The following FAM185A variants were observed in gnomAD, a reference collection of about 807,000 sequenced individuals.
FAM185A encodes protein FAM185A.
Under a neutral mutation model 45.7 loss-of-function variants are expected in FAM185A, and 21 were observed. The observed-to-expected ratio is 0.46, with a 90% CI of 0.33 to 0.66. The LOEUF is 0.66. Ranked by LOEUF, FAM185A falls within the 30% of genes least tolerant of loss-of-function variation. FAM185A has a pLI of 0.03. For missense variants in FAM185A, 305 were observed against 485.4 expected (o/e 0.63, Z 3.49); for synonymous variants, 117 against 194.0 (o/e 0.60, Z 3.30).
At chr7:102,819,785 G>A in the FAM185A span, among the ~76,000 whole-genome samples, 3 of 152,178 alleles carry the variant, frequency 2.0e-5, no homozygotes, top group African/African-American at 7.2e-5. Context: ...GCCCTGATTA[G>A]ATAGTGAGCA....
chr7:102,759,427 G>C (rs889683815), intron 3 of FAM185A, among the ~76,000 whole-genome samples: 1 of 151,284 alleles, frequency 6.6e-6, no homozygotes, highest in Non-Finnish European at 1.5e-5. Context: ...ATCAGTCTAG[G>C]GTTTTTTTCC....
At chr7:102,764,748 C>T (rs1366553417) in intron 4 of FAM185A, among the ~76,000 whole-genome samples, 14 of 150,228 alleles carry the variant, frequency 9.3e-5, no homozygotes, top group African/African-American at 2.2e-4. Context: ...AGAATATATG[C>T]GTTCTTGGTC....
intron 5 of FAM185A, among the ~76,000 whole-genome samples, chr7:102,776,701 C>CAA (rs1163390306): frequency 1.1e-5 from 1 of 92,792 alleles, no homozygotes; most frequent in South Asian, 4.2e-4. Flanking sequence ...GACCCTGTCT[C>CAA]TAAAAAAAAA....
chr7:102,751,120 G>T (rs896338810), intron 1 of FAM185A, among the ~76,000 whole-genome samples: 2 of 152,102 alleles, frequency 1.3e-5, no homozygotes, highest in African/African-American at 2.4e-5. Flanking sequence ...TTGCTACATT[G>T]TCCAGGCTGG....
At chr7:102,818,498 A>G in the FAM185A span, among the ~76,000 whole-genome samples, 18 of 152,322 alleles carry the variant, frequency 1.2e-4, no homozygotes, top group Admixed American at 9.8e-4. Flanking sequence ...ACTGATAATA[A>G]AAGTCAACAG....
chr7:102,767,046 T>C (rs1484366194), intron 4 of FAM185A, among the ~76,000 whole-genome samples: 2 of 152,036 alleles, frequency 1.3e-5, no homozygotes, highest in Non-Finnish European at 2.9e-5. Context: ...TCCGCACGCC[T>C]CGGCCTCCCA....
chr7:102,787,545 G>A (rs1312667790), intron 7 of FAM185A, 76 bp downstream of exon 7: 37 of 1,309,250 alleles, frequency 2.8e-5, no homozygotes, highest in South Asian at 2.8e-4. Context: ...TACACTTAAC[G>A]GAAGTTTTAG....
At chr7:102,761,236 T>G (rs1794087789) in intron 3 of FAM185A, 37 bp from the exon 4 acceptor site, 2 of 1,495,790 alleles carry the variant, frequency 1.3e-6, no homozygotes, top group Admixed American at 5.5e-5. Flanking sequence ...TACCAGTCTT[T>G]GTTTTATAAT....
At chr7:102,750,144 TC>T (rs1360932738) in intron 1 of FAM185A, among the ~76,000 whole-genome samples, 10 of 152,158 alleles carry the variant, frequency 6.6e-5, no homozygotes, top group African/African-American at 2.4e-4. Flanking sequence ...CTGTTATATT[TC>T]CATTCTTTTT....
intron 6 of FAM185A, among the ~76,000 whole-genome samples, chr7:102,784,920 A>T (rs1384286340): frequency 6.6e-6 from 1 of 152,224 alleles, no homozygotes; most frequent in South Asian, 2.1e-4. Flanking sequence ...ACATGATTGT[A>T]TATCTAGAAA....
chr7:102,815,240 T>C, the FAM185A span, among the ~76,000 whole-genome samples: 1 of 152,350 alleles, frequency 6.6e-6, no homozygotes, highest in East Asian at 1.9e-4. Context: ...AGGAAGTTGA[T>C]CATAGAATTA....
the FAM185A span, among the ~76,000 whole-genome samples, chr7:102,833,253 A>G: frequency 2.0e-5 from 3 of 152,220 alleles, no homozygotes; most frequent in African/African-American, 7.2e-5. Context: ...TCATATGGTC[A>G]GTAATGAGTA....
chr7:102,789,294 G>T (rs1562870301), intron 7 of FAM185A, among the ~76,000 whole-genome samples: 3 of 152,130 alleles, frequency 2.0e-5, no homozygotes, highest in Non-Finnish European at 4.4e-5. Context: ...TTTTTAAAAA[G>T]TTTTTAGCAG....
intron 3 of FAM185A, among the ~76,000 whole-genome samples, chr7:102,760,225 T>A (rs569308003): frequency 1.3e-5 from 2 of 152,196 alleles, no homozygotes; most frequent in East Asian, 3.9e-4. Context: ...TGTATTTACA[T>A]ATATATTCAT....
At chr7:102,814,559 G>A in the FAM185A span, 1 of 152,172 alleles carries the variant, frequency 6.6e-6, no homozygotes, top group Non-Finnish European at 1.5e-5. Context: ...TTAACAGGGA[G>A]GTAACCAAAG....
intron 4 of FAM185A, among the ~76,000 whole-genome samples, chr7:102,766,607 A>G (rs1162671504): frequency 4.3e-5 from 6 of 139,684 alleles, no homozygotes; most frequent in Non-Finnish European, 9.0e-5. Context: ...CAGAAATAAT[A>G]TACAATTTTA....
the FAM185A span, among the ~76,000 whole-genome samples, chr7:102,847,820 C>G: frequency 6.6e-6 from 1 of 152,090 alleles, no homozygotes; most frequent in African/African-American, 2.4e-5. Flanking sequence ...TGAACTACTG[C>G]ACCCAACCAA....
intron 5 of FAM185A, among the ~76,000 whole-genome samples, chr7:102,772,748 T>G (rs1191133046): frequency 2.0e-5 from 3 of 151,676 alleles, no homozygotes. Flanking sequence ...ATTAAGTCCT[T>G]GAAAGAAAGA....
chr7:102,813,560 G>C (rs1224591676), downstream of FAM185A: 1 of 1,599,210 alleles, frequency 6.3e-7, no homozygotes, highest in Admixed American at 1.7e-5. Context: ...GCATTAGCTA[G>C]TTGCAGAAGT....
Sources: gnomAD v4.1 joint callset for allele counts (sites outside exome capture counted in the v4.1 genomes callset) on GRCh38, gnomAD v4.1.1 for gene constraint, MANE v1.5 for transcripts, NCBI Gene and HGNC (gene_info 2026-07-23, HGNC 2026-07-21) for gene names.